ASB7: variants seen among roughly 807,000 people sequenced by gnomAD.
ASB7 encodes the protein ankyrin repeat and SOCS box protein 7.
Under a neutral mutation model 32.5 loss-of-function variants are expected in ASB7, and 4 were observed. The ratio of observed to expected loss-of-function variants is 0.12; its 90% confidence interval spans 0.06 to 0.28. The LOEUF (loss-of-function observed/expected upper bound fraction) is 0.28. Among genes scored for constraint, ASB7 ranks in the 10% least tolerant of loss-of-function variants. The pLI is 1.00. For missense variants in ASB7, 181 were observed against 407.1 expected (o/e 0.44, Z 4.78); for synonymous variants, 172 against 155.6 (o/e 1.11, Z -0.78).
chr15:100,606,722 A>G (rs2039648111), intron 2 of ASB7, among the ~76,000 whole-genome samples: 1 of 152,206 alleles, frequency 6.6e-6, no homozygotes, highest in South Asian at 2.1e-4. Context: ...CCCAAGTGGA[A>G]AAGAAAGTCT....
intron 2 of ASB7, among the ~76,000 whole-genome samples, chr15:100,603,631 A>G (rs1402270597): frequency 6.6e-6 from 1 of 151,226 alleles, no homozygotes; most frequent in Non-Finnish European, 1.5e-5. Context: ...TCCCTTCCTT[A>G]CTCTCATAGG....
In ASB7 at chr15:100,630,167, C is replaced by T. The variant is rs544385723; in HGVS notation, c.817+125C>T. The T allele has an allele frequency of 1.5e-4, 202 of 1,359,760 alleles. 1 individual carries two copies. Among genetic ancestry groups the T allele is most frequent in the Non-Finnish European group, 1.8e-4 (188 of 1,054,734 alleles). 84.2% of individuals were successfully genotyped at this position (1,359,760 alleles called of 1,614,324 possible). A position where few individuals can be genotyped will look rare whatever the true frequency, so the allele number is the denominator to read the frequency against. On this transcript the variant is annotated intron_variant, in intron 5 of 5. Coordinates refer to ENST00000332783, the MANE Select transcript of ASB7 (RefSeq NM_198243.3). Reference sequence around the variant, plus strand: ...ATTCCTATAACCACTGCTTGGTAAGCGATGCCTCATTCTTCTGAAATAAAA... The same window carrying T: ...ATTCCTATAACCACTGCTTGGTAAGTGATGCCTCATTCTTCTGAAATAAAA...
rs1262988208 is a variant in ASB7 at position 100,630,032 on chromosome 15, A to G, written c.807A>G (p.Gln269=). The stretch of plus-strand genomic sequence containing the variant: ...GTCGACCATGTTTGGATTTCTTACA[A>G]GAAGTCACAAGTATGTAATATAATT... ...GSSRPCLDFL[Q]EVTRQPRNLQ... The change falls in exon 5 of 6, where the codon CAA becomes CAG. Residue 269 remains glutamine (Q), a synonymous_variant. Transcript: ENST00000332783. 1.3e-6 allele frequency: 2 copies of G among 1,593,114 alleles called. No homozygotes were observed. Among genetic ancestry groups the G allele is most frequent in the African/African-American group, 1.4e-5 (1 of 74,038 alleles).
Position 100,629,303 on chromosome 15 carries a change from G to C in ASB7, c.212-134G>C, listed in dbSNP as rs1035230966. ...GACTTGAATTAAACTGAGGAAAAAC[G>C]TACTTGATATTCATTACAGTGTTTG... is the stretch of plus-strand genomic sequence containing the variant. On this transcript the variant is annotated intron_variant, in intron 4 of 5. Coordinates refer to ENST00000332783, the MANE Select transcript of ASB7 (RefSeq NM_198243.3). This position sits in a 1 kb window ranked among gnomAD's most constrained non-coding sequence, Gnocchi z 6.8. 1 of 780,708 alleles carries C rather than the reference G, an allele frequency of 1.3e-6. No individual in the cohort carries two copies. Among genetic ancestry groups the C allele is most frequent in the Admixed American group, 2.7e-5 (1 of 37,200 alleles). 48.4% of individuals were successfully genotyped at this position (780,708 alleles called of 1,614,324 possible).
At chr15:100,643,524 C>G (rs147421113) in intron 5 of ASB7, among the ~76,000 whole-genome samples, 1,335 of 112,664 alleles carry the variant, frequency 0.012, 13 homozygotes, top group Admixed American at 0.014. Flanking sequence ...CTGGCTCATT[C>G]TGTCTCCCAG....
chr15:100,643,478 T>A, intron 5 of ASB7, among the ~76,000 whole-genome samples: 2 of 103,292 alleles, frequency 1.9e-5, no homozygotes, highest in African/African-American at 4.2e-5. Flanking sequence ...TCCCTTCTTC[T>A]TTTTTTTTTT....
intron 2 of ASB7, among the ~76,000 whole-genome samples, chr15:100,608,065 G>A (rs140531171): frequency 1.2e-3 from 190 of 152,348 alleles, no homozygotes; most frequent in Middle Eastern, 3.4e-3. Context: ...CTTATGGGAA[G>A]TAAGGGGTGC....
intron 2 of ASB7, among the ~76,000 whole-genome samples, chr15:100,608,920 G>C (rs1333503282): frequency 6.6e-6 from 1 of 152,172 alleles, no homozygotes; most frequent in Non-Finnish European, 1.5e-5. Flanking sequence ...ACCTTTTCTT[G>C]TCTGAAGGTT....
At position 100,651,677 on chromosome 15, in the gene ASB7, TAAAA is replaced by T. The variant is rs1221601962; in HGVS notation, c.*3219_*3222del. ...AGTTTTGCTTTGGGTCAATTTGAAT[TAAAA>T]AAATCAAATCTGATTTAAAACATGT... On this transcript the variant is annotated 3_prime_UTR_variant, in exon 6 of 6. Transcript: ENST00000332783. 6.6e-6 allele frequency: 1 copy of T among 152,216 alleles called. No individual in the cohort carries two copies. Among genetic ancestry groups the T allele is most frequent in the Non-Finnish European group, 1.5e-5 (1 of 68,028 alleles). 9.4% of individuals were successfully genotyped at this position (152,216 alleles called of 1,614,324 possible).
intron 5 of ASB7, among the ~76,000 whole-genome samples, chr15:100,643,338 T>C (rs544859854): frequency 3.9e-5 from 6 of 152,162 alleles, no homozygotes; most frequent in African/African-American, 1.4e-4. Context: ...CTCTTAATGA[T>C]AGGAGTATCC....
At position 100,648,603 on chromosome 15, in the gene ASB7, G is replaced by C; in HGVS notation, c.*141G>C. 1 of 643,546 alleles carries C rather than the reference G, an allele frequency of 1.6e-6. No homozygotes were observed. Among genetic ancestry groups the C allele is most frequent in the East Asian group, 3.3e-5 (1 of 30,376 alleles). 39.9% of individuals were successfully genotyped at this position (643,546 alleles called of 1,614,324 possible). ...GTATACACTTTTGGGTTTTCTGTTT[G>C]TTTGGTTGGTTTTCATTGTAGGGGA... is the stretch of plus-strand genomic sequence containing the variant. On this transcript the variant is annotated 3_prime_UTR_variant, in exon 6 of 6. Transcript: ENST00000332783.
intron 3 of ASB7, 125 bp downstream of exon 3, chr15:100,609,953 T>C (rs560370306): frequency 3.0e-4 from 45 of 152,338 alleles, no homozygotes; most frequent in African/African-American, 1.1e-3. Flanking sequence ...AACCCAGGTT[T>C]GTTTTGATAT....
Position 100,651,462 on chromosome 15 carries a change from C to A in ASB7, c.*3000C>A, listed in dbSNP as rs891118938. ...TCTAGCATGACTCGTCAGATGCACA[C>A]CCCAAGAGACAAGAATGTGTAGTTT... is the stretch of plus-strand genomic sequence containing the variant. On this transcript the variant is annotated 3_prime_UTR_variant, in exon 6 of 6. Coordinates refer to ENST00000332783, the MANE Select transcript of ASB7 (RefSeq NM_198243.3). 6.6e-6 allele frequency: 1 copy of A among 152,100 alleles called. No homozygotes were observed. The highest frequency in any genetic ancestry group is 1.5e-5 in the Non-Finnish European group (1 of 68,028). 9.4% of individuals were successfully genotyped at this position (152,100 alleles called of 1,614,324 possible). A position where few individuals can be genotyped will look rare whatever the true frequency, so the allele number is the denominator to read the frequency against.
rs1035230966 is a variant in ASB7 at position 100,629,303 on chromosome 15, G to A, written c.212-134G>A. 45 of 780,590 alleles carry A rather than the reference G, an allele frequency of 5.8e-5. 1 individual carries two copies. Among genetic ancestry groups the A allele is most frequent in the South Asian group, 4.4e-4 (24 of 54,402 alleles). The allele number at this position is 780,590 out of a possible 1,614,324, so 48.4% of individuals were successfully genotyped here. A position where few individuals can be genotyped will look rare whatever the true frequency, so the allele number is the denominator to read the frequency against. ...GACTTGAATTAAACTGAGGAAAAAC[G>A]TACTTGATATTCATTACAGTGTTTG... On this transcript the variant is annotated intron_variant, in intron 4 of 5. Coordinates refer to ENST00000332783, the MANE Select transcript of ASB7 (RefSeq NM_198243.3). This position sits in a 1 kb window ranked among gnomAD's most constrained non-coding sequence, Gnocchi z 6.8.
At chr15:100,620,891 G>A (rs1435083696) in intron 4 of ASB7, among the ~76,000 whole-genome samples, 2 of 152,162 alleles carry the variant, frequency 1.3e-5, no homozygotes, top group Non-Finnish European at 2.9e-5. Flanking sequence ...AGCTCCAGAA[G>A]TTAAGTCTAT....
intron 4 of ASB7, among the ~76,000 whole-genome samples, chr15:100,616,318 T>C (rs1289062180): frequency 6.6e-6 from 1 of 152,112 alleles, no homozygotes. Flanking sequence ...TTTTTTCACA[T>C]TCTTGTTTTT....
At chr15:100,636,346 C>T (rs1042588094) in intron 5 of ASB7, among the ~76,000 whole-genome samples, 1 of 152,134 alleles carries the variant, frequency 6.6e-6, no homozygotes, top group Non-Finnish European at 1.5e-5. Context: ...CATGTTGGAA[C>T]TAAAACTGGA....
At chr15:100,615,658 G>C (rs563769077) in intron 4 of ASB7, among the ~76,000 whole-genome samples, 2 of 152,326 alleles carry the variant, frequency 1.3e-5, no homozygotes, top group South Asian at 4.1e-4. Context: ...TTCTTCTAGA[G>C]GCCATCTCTT....
At chr15:100,642,961 TG>T (rs2039971776) in intron 5 of ASB7, among the ~76,000 whole-genome samples, 1 of 152,148 alleles carries the variant, frequency 6.6e-6, no homozygotes, top group African/African-American at 2.4e-5. Context: ...GCTTGAACCC[TG>T]GAGGTGGAGG....
Sources: allele counts gnomAD v4.1 joint callset (sites outside exome capture counted in the v4.1 genomes callset), GRCh38; gene constraint gnomAD v4.1.1; non-coding constraint Gnocchi (gnomAD v3.1); transcripts MANE v1.5; gene names NCBI Gene and HGNC (gene_info 2026-07-23, HGNC 2026-07-21).